ATP11C: variants seen among roughly 807,000 people sequenced by gnomAD.
The protein encoded by ATP11C is phospholipid-transporting ATPase IG.
A neutral mutation model predicts 97.4 loss-of-function variants in ATP11C; 36 were observed. That is an observed-to-expected ratio of 0.37 (90% CI 0.28 to 0.49). The LOEUF is 0.49. ATP11C is among the 20% of genes least tolerant of loss of function. ATP11C has a pLI of 0.98. For missense variants in ATP11C, 730 were observed against 824.6 expected, an observed-to-expected ratio of 0.89 and a Z score of 1.40; for synonymous variants, 275 against 290.9, an observed-to-expected ratio of 0.95 and a Z score of 0.56.
chrX:139,775,758 G>A (rs1323357314), intron 18 of ATP11C, among the ~76,000 whole-genome samples: 5 of 112,826 alleles, frequency 4.4e-5, no homozygotes, highest in Admixed American at 1.9e-4. Context: ...CCCAGGGACA[G>A]AGATCCAGGT....
intron 1 of ATP11C, among the ~76,000 whole-genome samples, chrX:139,910,580 T>C (rs2085057438): frequency 9.4e-6 from 1 of 106,594 alleles, no homozygotes; most frequent in Non-Finnish European, 1.9e-5. Flanking sequence ...CACTCCAGCC[T>C]GGGTGACAGA....
intron 26 of ATP11C, among the ~76,000 whole-genome samples, chrX:139,741,455 T>C (rs966430325): frequency 4.5e-5 from 5 of 110,605 alleles, no homozygotes; most frequent in African/African-American, 1.3e-4. Context: ...AGGAAGATGA[T>C]GGCAAAAGGA....
At chrX:139,884,883 A>G (rs769279689) in intron 1 of ATP11C, among the ~76,000 whole-genome samples, 6 of 112,013 alleles carry the variant, frequency 5.4e-5, no homozygotes, top group Non-Finnish European at 1.1e-4. Flanking sequence ...AGTAATGGAC[A>G]CCACTAAATT....
In ATP11C at chrX:139,808,119, C is replaced by T. The variant is rs768896509; in HGVS notation, c.427-3520G>A. Among the ~76,000 whole-genome samples the T allele has an allele frequency of 9.9e-5, 11 of 111,285 alleles. No homozygotes were observed. In the South Asian group the frequency reaches 3.7e-3, roughly 38 times the overall value. On this transcript the variant is annotated intron_variant, in intron 5 of 29. Transcript: ENST00000682941. ...TATCAGAGATGAAGATTTCCTTCAA[C>T]TAGTGGACTGGGTACAACAAAGGAA...
chrX:139,878,135 C>CT (rs1224739700), intron 1 of ATP11C, among the ~76,000 whole-genome samples: 1 of 112,382 alleles, frequency 8.9e-6, no homozygotes, highest in Non-Finnish European at 1.9e-5. Context: ...AGCGTTATAA[C>CT]TTTAACTCAT....
intron 1 of ATP11C, among the ~76,000 whole-genome samples, chrX:139,909,491 G>C (rs1373129284): frequency 9.1e-6 from 1 of 110,459 alleles, no homozygotes; most frequent in Non-Finnish European, 1.9e-5. Context: ...TGTGATGGTG[G>C]ATACACAAAC....
chrX:139,783,578 T>C (rs1288829721), intron 16 of ATP11C, among the ~76,000 whole-genome samples: 2 of 112,184 alleles, frequency 1.8e-5, no homozygotes, highest in African/African-American at 6.5e-5. Flanking sequence ...TCTGAATTTC[T>C]TCTGAAAATG....
intron 1 of ATP11C, among the ~76,000 whole-genome samples, chrX:139,845,192 A>G (rs191230701): frequency 9.0e-6 from 1 of 111,054 alleles, no homozygotes; most frequent in African/African-American, 3.3e-5. Flanking sequence ...AGTCAGCTCA[A>G]AACAGGCTTC....
At chrX:139,812,348 G>A (rs904051614) in intron 5 of ATP11C, among the ~76,000 whole-genome samples, 1 of 111,494 alleles carries the variant, frequency 9.0e-6, no homozygotes, top group Non-Finnish European at 1.9e-5. Flanking sequence ...AAGAAGCTTG[G>A]TGGAGGGAAA....
Position 139,797,287 on chromosome X carries a change from T to C in ATP11C, c.897A>G (p.Leu299=), listed in dbSNP as rs775721367. The C allele has an allele frequency of 8.5e-7, 1 of 1,180,270 alleles. No homozygotes were observed. Residue 299 remains leucine (L), a synonymous_variant, in exon 11 of 30, where the codon TTA becomes TTG. Transcript: ENST00000682941. ...NAFLIVYLFI[L]LTKAAVCTTL... The stretch of plus-strand genomic sequence containing the variant: ...TAGTGCATACTGCAGCTTTGGTCAG[T>C]AAGATAAATAAATATACAATCAGGA...
chrX:139,872,540 G>A (rs753578497), intron 1 of ATP11C, among the ~76,000 whole-genome samples: 4 of 100,324 alleles, frequency 4.0e-5, no homozygotes, highest in African/African-American at 1.6e-4. Context: ...AGGCCCCGGT[G>A]TGTGATGTTC....
chrX:139,835,016 T>C (rs1403223543), intron 1 of ATP11C, among the ~76,000 whole-genome samples: 2 of 112,333 alleles, frequency 1.8e-5, no homozygotes, highest in Non-Finnish European at 3.8e-5. Context: ...TACTGTAATA[T>C]ACCTCTTATC....
chrX:139,901,592 T>C (rs923223066), intron 1 of ATP11C, among the ~76,000 whole-genome samples: 1 of 111,371 alleles, frequency 9.0e-6, no homozygotes, highest in South Asian at 3.8e-4. Flanking sequence ...GAATAAACAC[T>C]GACTCTGGAG....
chrX:139,862,554 T>C (rs369261990), intron 1 of ATP11C, among the ~76,000 whole-genome samples: 1 of 112,157 alleles, frequency 8.9e-6, no homozygotes, highest in East Asian at 2.8e-4. Context: ...ACGGAAGTCT[T>C]CTGTGTTGAT....
chrX:139,931,313 G>A (rs1475296863), intron 1 of ATP11C, among the ~76,000 whole-genome samples: 2 of 112,266 alleles, frequency 1.8e-5, no homozygotes, highest in Non-Finnish European at 3.8e-5. Flanking sequence ...CTTCTCCCAT[G>A]GGTTCAAGGT....
intron 1 of ATP11C, among the ~76,000 whole-genome samples, chrX:139,841,913 T>C (rs1267750399): frequency 1.8e-5 from 2 of 112,539 alleles, no homozygotes. Flanking sequence ...CCCTAGCTAT[T>C]TTCCTGGGAC....
chrX:139,773,281 G>A (rs1273174550), intron 19 of ATP11C, among the ~76,000 whole-genome samples: 10 of 111,054 alleles, frequency 9.0e-5, no homozygotes, highest in East Asian at 2.8e-4. Flanking sequence ...TCCCAGTTTC[G>A]GGTATGTCTT....
intron 13 of ATP11C, among the ~76,000 whole-genome samples, chrX:139,788,626 A>C (rs1395052132): frequency 8.9e-6 from 1 of 111,902 alleles, no homozygotes; most frequent in Non-Finnish European, 1.9e-5. Flanking sequence ...TGGCCTAAAA[A>C]ACTTCATTCA....
rs752322603 is a variant in ATP11C at position 139,924,577 on chromosome X, A to G, written c.27+7439T>C. Among the ~76,000 whole-genome samples the G allele has an allele frequency of 5.4e-5, 6 of 111,108 alleles. No homozygotes were observed. The South Asian group carries it at 2.3e-3, about 43-fold the overall frequency. The stretch of plus-strand genomic sequence containing the variant: ...TTTTGGGAGGGTTTCCATCACCCTG[A>G]TAAGAGTGGCTCACTCTGCTTAAGC... On this transcript the variant is annotated intron_variant, in intron 1 of 29. Coordinates refer to ENST00000682941, the MANE Select transcript of ATP11C (RefSeq NM_001353812.2).
Sources: gnomAD v4.1 joint callset for allele counts (sites outside exome capture counted in the v4.1 genomes callset) on GRCh38, gnomAD v4.1.1 for gene constraint, MANE v1.5 for transcripts, NCBI Gene and HGNC (gene_info 2026-07-23, HGNC 2026-07-21) for gene names.